Variants in ZBTB44 observed in about 807,000 individuals in gnomAD.
ZBTB44 encodes the protein zinc finger and BTB domain containing 44, also known as zinc finger and BTB domain-containing protein 44.
A neutral mutation model predicts 54.0 loss-of-function variants in ZBTB44; 15 were observed. That is an observed-to-expected ratio of 0.28 (90% CI 0.19 to 0.43). ZBTB44 has a LOEUF of 0.43. Ranked by LOEUF, ZBTB44 falls within the 20% of genes least tolerant of loss-of-function variation. ZBTB44 has a pLI of 1.00. For missense variants in ZBTB44, 487 were observed against 707.1 expected (o/e 0.69, Z 3.53); for synonymous variants, 230 against 250.1 (o/e 0.92, Z 0.76).
At chr11:130,294,180 G>A (rs1213311815) in intron 1 of ZBTB44, among the ~76,000 whole-genome samples, 1 of 151,908 alleles carries the variant, frequency 6.6e-6, no homozygotes, top group African/African-American at 2.4e-5. Flanking sequence ...GGGCCGAGAT[G>A]GGTGGATCTC....
At chr11:130,277,588 G>A (rs1940197274) in intron 1 of ZBTB44, among the ~76,000 whole-genome samples, 1 of 151,932 alleles carries the variant, frequency 6.6e-6, no homozygotes, top group Non-Finnish European at 1.5e-5. Context: ...TATGGGATCA[G>A]CATTACATAT....
intron 1 of ZBTB44, among the ~76,000 whole-genome samples, chr11:130,309,011 T>C (rs531001588): frequency 1.3e-5 from 2 of 152,328 alleles, no homozygotes; most frequent in African/African-American, 2.4e-5. Flanking sequence ...ACTCACAAGC[T>C]TTCTGCACTC....
At chr11:130,236,632 T>G in intron 5 of ZBTB44, 161 bp downstream of exon 5, 1 of 713,490 alleles carries the variant, frequency 1.4e-6, no homozygotes, top group Non-Finnish European at 2.0e-6. Context: ...TCAGCAAAAT[T>G]TTATCAGATC....
At chr11:130,235,006 A>C (rs2136266831) in intron 5 of ZBTB44, among the ~76,000 whole-genome samples, 1 of 152,304 alleles carries the variant, frequency 6.6e-6, no homozygotes, top group East Asian at 1.9e-4. Flanking sequence ...TGTATTTCCT[A>C]AATTTCCTAC....
chr11:130,260,977 G>A lies in ZBTB44; in HGVS notation c.897C>T (p.Val299=). 6.2e-7 allele frequency: 1 copy of A among 1,613,920 alleles called. No individual in the cohort carries two copies. The highest frequency in any genetic ancestry group is 1.1e-5 in the South Asian group (1 of 91,078). Residue 299 remains valine (V), a synonymous_variant, in exon 2 of 8, where the codon GTC becomes GTT. Coordinates refer to ENST00000357899, the MANE Select transcript of ZBTB44 (RefSeq NM_001301098.2). ...VKVERLSDEE[V]HEEVSQPVSA... Reference sequence around the variant, plus strand: ...TGACAGGCTGGGACACTTCCTCATGGACCTCCTCATCACTTAATCTTTCTA... The same window carrying A: ...TGACAGGCTGGGACACTTCCTCATGAACCTCCTCATCACTTAATCTTTCTA...
chr11:130,239,750 C>T (rs368767667), intron 3 of ZBTB44, 62 bp downstream of exon 3: 3 of 1,349,430 alleles, frequency 2.2e-6, no homozygotes, highest in East Asian at 2.4e-5. Context: ...AGATGAAATG[C>T]TTGAATTTGG....
chr11:130,262,372 C>G (rs1269461743), intron 1 of ZBTB44, among the ~76,000 whole-genome samples: 1 of 152,150 alleles, frequency 6.6e-6, no homozygotes, highest in Non-Finnish European at 1.5e-5. Context: ...CTCCTGACCT[C>G]AGGTGATAGG....
At chr11:130,233,095 C>T (rs1370860033) in intron 7 of ZBTB44, 3 of 480,952 alleles carry the variant, frequency 6.2e-6, no homozygotes, top group African/African-American at 4.0e-5. Flanking sequence ...CCCAACAACA[C>T]ATAAACCTAT....
intron 1 of ZBTB44, among the ~76,000 whole-genome samples, chr11:130,298,441 G>A (rs370766387): frequency 4.6e-4 from 68 of 148,442 alleles, no homozygotes; most frequent in African/African-American, 1.6e-3. Flanking sequence ...CACCATGCCC[G>A]GCCAAAAGTT....
At position 130,255,016 on chromosome 11, in the gene ZBTB44, T is replaced by G. The variant is rs542442683; in HGVS notation, c.1018+5840A>C. ...GCATGTTCTCACTCATAGATGGGAATTGAACAATGAGAACACTTGGACACA... is the reference window on the plus strand; with the variant it reads ...GCATGTTCTCACTCATAGATGGGAAGTGAACAATGAGAACACTTGGACACA... On this transcript the variant is annotated intron_variant, in intron 2 of 7. Coordinates refer to ENST00000357899, the MANE Select transcript of ZBTB44 (RefSeq NM_001301098.2). Among the ~76,000 whole-genome samples the G allele has an allele frequency of 4.6e-5, 6 of 131,202 alleles. No homozygotes were observed. In the East Asian group the frequency reaches 1.3e-3, roughly 29 times the overall value. The allele number at this position is 131,202 out of a possible 152,430, so 86.1% of individuals were successfully genotyped here. A position where few individuals can be genotyped will look rare whatever the true frequency, so the allele number is the denominator to read the frequency against.
At chr11:130,281,728 G>T (rs1940535470) in intron 1 of ZBTB44, among the ~76,000 whole-genome samples, 1 of 151,828 alleles carries the variant, frequency 6.6e-6, no homozygotes, top group South Asian at 2.1e-4. Flanking sequence ...CCAAGTAGCT[G>T]GGACTACAGG....
At chr11:130,301,026 T>C (rs1941959902) in intron 1 of ZBTB44, among the ~76,000 whole-genome samples, 1 of 152,146 alleles carries the variant, frequency 6.6e-6, no homozygotes, top group Non-Finnish European at 1.5e-5. Context: ...ACAGAATGTT[T>C]TGATTTTTGT....
chr11:130,295,246 A>G (rs1239055266), intron 1 of ZBTB44, among the ~76,000 whole-genome samples: 4 of 152,156 alleles, frequency 2.6e-5, no homozygotes, highest in Admixed American at 2.6e-4. Context: ...AAAAATGAAA[A>G]CATTCTATGA....
intron 2 of ZBTB44, among the ~76,000 whole-genome samples, chr11:130,245,188 G>T (rs1003345051): frequency 6.6e-6 from 1 of 152,138 alleles, no homozygotes; most frequent in Non-Finnish European, 1.5e-5. Context: ...TGTATGTGTA[G>T]CATTTCTGTG....
chr11:130,313,583 C>G (rs1257644870), intron 1 of ZBTB44, among the ~76,000 whole-genome samples: 1 of 152,192 alleles, frequency 6.6e-6, no homozygotes, highest in Non-Finnish European at 1.5e-5. Flanking sequence ...CAGCTTGCTT[C>G]CGGTATCAGC....
intron 2 of ZBTB44, among the ~76,000 whole-genome samples, chr11:130,258,613 GCATTTAGGTACCCAACTAATATA>G: frequency 6.6e-6 from 1 of 152,252 alleles, no homozygotes; most frequent in Middle Eastern, 3.4e-3. Context: ...TTTGTTCAAG[GCATTTAGGTACCCAACTAATATA>G]CATTATCTTC....
At chr11:130,276,734 T>C (rs1031054227) in intron 1 of ZBTB44, among the ~76,000 whole-genome samples, 1 of 152,192 alleles carries the variant, frequency 6.6e-6, no homozygotes, top group Non-Finnish European at 1.5e-5. Flanking sequence ...CGGCCTGTTC[T>C]ATACATTATT....
Position 130,276,233 on chromosome 11 carries a change from A to AG in ZBTB44, c.-56-14305_-56-14304insC. Reference sequence around the variant, plus strand: ...AAGAGTGAACGTGAAACTCTGTCTCAAAAAAAAAAAAAAGAAAAAAGAAAT... The same window carrying AG: ...AAGAGTGAACGTGAAACTCTGTCTCAGAAAAAAAAAAAAAGAAAAAAGAAAT... On this transcript the variant is annotated intron_variant, in intron 1 of 7. Transcript: ENST00000357899. 4.7e-5 allele frequency among the ~76,000 whole-genome samples: 4 copies of AG among 84,638 alleles called. 1 individual carries two copies. The highest frequency in any genetic ancestry group is 8.7e-5 in the Non-Finnish European group (4 of 46,096). The allele number at this position is 84,638 out of a possible 152,430, so 55.5% of individuals were successfully genotyped here. A position where few individuals can be genotyped will look rare whatever the true frequency, so the allele number is the denominator to read the frequency against.
chr11:130,256,833 G>A (rs1013859873), intron 2 of ZBTB44, among the ~76,000 whole-genome samples: 1 of 151,910 alleles, frequency 6.6e-6, no homozygotes, highest in South Asian at 2.1e-4. Flanking sequence ...TTTGAAAACC[G>A]GCACAAGACA....
Sources: allele counts gnomAD v4.1 joint callset (sites outside exome capture counted in the v4.1 genomes callset), GRCh38; gene constraint gnomAD v4.1.1; transcripts MANE v1.5; gene names NCBI Gene and HGNC (gene_info 2026-07-23, HGNC 2026-07-21).